JAK2: variants seen among roughly 807,000 people sequenced by gnomAD.
The protein encoded by JAK2 is Janus kinase 2.
JAK2 carries 86 observed loss-of-function variants against 139.3 expected under a neutral mutation model. That is an observed-to-expected ratio of 0.62 (90% CI 0.52 to 0.74). The LOEUF is 0.74. Ranked by LOEUF, JAK2 falls within the 30% of genes least tolerant of loss-of-function variation. JAK2 has a pLI of 0.00. For missense variants in JAK2, 1,421 were observed against 1,360.3 expected, an observed-to-expected ratio of 1.04 and a Z score of -0.70; for synonymous variants, 490 against 437.7, an observed-to-expected ratio of 1.12 and a Z score of -1.49.
intron 20 of JAK2, among the ~76,000 whole-genome samples, 158 bp downstream of exon 20, chr9:5,090,021 A>ATAAC (rs1212664036): frequency 2.0e-5 from 3 of 152,222 alleles, no homozygotes; most frequent in Non-Finnish European, 2.9e-5. Flanking sequence ...ATCATAGACT[A>ATAAC]TAACTATAGG....
intron 22 of JAK2, among the ~76,000 whole-genome samples, chr9:5,118,930 G>T (rs1037898619): frequency 1.3e-5 from 2 of 152,070 alleles, no homozygotes; most frequent in African/African-American, 4.8e-5. Context: ...CTCAATTTCT[G>T]AAAAGTATAC....
chr9:5,007,755 T>A lies in JAK2; in HGVS notation c.-25-14208T>A, dbSNP rs545461490. ...TTTTTTTTGGAGTGGAGTCTCACTC[T>A]GTCACCCAGGCTGAACTGCAGTGGT... On this transcript the variant is annotated intron_variant, in intron 2 of 24. Transcript: ENST00000381652. Among the ~76,000 whole-genome samples, 4 of 151,902 alleles carry A rather than the reference T, an allele frequency of 2.6e-5. No individual in the cohort carries two copies. In the South Asian group the frequency reaches 8.3e-4, roughly 32 times the overall value.
At chr9:5,051,171 G>T (rs1450492511) in intron 6 of JAK2, among the ~76,000 whole-genome samples, 1 of 151,980 alleles carries the variant, frequency 6.6e-6, no homozygotes, top group Non-Finnish European at 1.5e-5. Context: ...AAATCATATG[G>T]GTAAGTTTTA....
chr9:5,081,917 T>C, intron 19 of JAK2, 56 bp downstream of exon 19: 5 of 1,411,542 alleles, frequency 3.5e-6, no homozygotes. Context: ...AGGAAAAACT[T>C]AAGAGCGTTT....
At chr9:5,030,212 GA>G (rs1165785294) in intron 4 of JAK2, among the ~76,000 whole-genome samples, 1 of 152,116 alleles carries the variant, frequency 6.6e-6, no homozygotes, top group African/African-American at 2.4e-5. Flanking sequence ...AAATGTTTGG[GA>G]TATTGCTGGT....
intron 4 of JAK2, among the ~76,000 whole-genome samples, chr9:5,042,354 G>C (rs1816646528): frequency 6.6e-6 from 1 of 150,710 alleles, no homozygotes; most frequent in Admixed American, 6.6e-5. Context: ...AGCCAGGATG[G>C]TCTCGATCTC....
intron 4 of JAK2, chr9:5,041,525 C>T (rs1464941906): frequency 1.8e-6 from 1 of 547,610 alleles, no homozygotes; most frequent in Non-Finnish European, 3.6e-6. Flanking sequence ...CCACGCCCAT[C>T]GAAGTGCTCT....
At chr9:5,008,961 G>C (rs1587819605) in intron 2 of JAK2, among the ~76,000 whole-genome samples, 1 of 151,984 alleles carries the variant, frequency 6.6e-6, no homozygotes, top group Middle Eastern at 3.2e-3. Context: ...AGTTTGTCTT[G>C]ACTGTCTTCC....
intron 22 of JAK2, among the ~76,000 whole-genome samples, chr9:5,115,668 C>G (rs951985625): frequency 3.3e-5 from 5 of 152,146 alleles, no homozygotes; most frequent in African/African-American, 1.2e-4. Context: ...ACCCAAATGC[C>G]CATCAATGAT....
intron 19 of JAK2, among the ~76,000 whole-genome samples, 178 bp from the exon 20 acceptor site, chr9:5,089,496 C>T (rs1820398237): frequency 1.4e-5 from 2 of 138,682 alleles, no homozygotes; most frequent in South Asian, 4.6e-4. Flanking sequence ...CGAGATCGTG[C>T]CACTGCACTC....
chr9:5,044,265 A>G lies in JAK2; in HGVS notation c.351-138A>G, dbSNP rs539283088. Reference sequence around the variant, plus strand: ...TTATCCACATATCCTTTTGTCTCACATTTATATTTAATACTGTTAGCTGTG... The same window carrying G: ...TTATCCACATATCCTTTTGTCTCACGTTTATATTTAATACTGTTAGCTGTG... On this transcript the variant is annotated intron_variant, in intron 4 of 24. Coordinates refer to ENST00000381652, the MANE Select transcript of JAK2 (RefSeq NM_004972.4). 52 of 603,594 alleles carry G rather than the reference A, an allele frequency of 8.6e-5. No homozygotes were observed. The Admixed American group carries it at 1.2e-3, about 14-fold the overall frequency. The allele number at this position is 603,594 out of a possible 1,614,324, so 37.4% of individuals were successfully genotyped here.
chr9:5,013,176 C>T (rs1482787446), intron 2 of JAK2, among the ~76,000 whole-genome samples: 1 of 152,004 alleles, frequency 6.6e-6, no homozygotes, highest in Admixed American at 6.5e-5. Flanking sequence ...AGAAAACAAC[C>T]CAAAGCACTT....
At position 5,075,619 on chromosome 9, in the gene JAK2, G is replaced by C. The variant is rs151202786; in HGVS notation, c.1864+1834G>C. Among the ~76,000 whole-genome samples the C allele has an allele frequency of 6.7e-3, 1,018 of 152,278 alleles. 13 individuals are homozygous for C. Among genetic ancestry groups the C allele is most frequent in the African/African-American group, 0.023 (968 of 41,572 alleles). ...TTGTTGAGACCTGCTCAGAAAAAAA[G>C]ATTGCTTTCAAAGTATTACTGATCA... On this transcript the variant is annotated intron_variant, in intron 14 of 24. Transcript: ENST00000381652.
intron 18 of JAK2, among the ~76,000 whole-genome samples, chr9:5,081,276 A>G (rs1002902289): frequency 4.0e-5 from 6 of 151,600 alleles, no homozygotes; most frequent in African/African-American, 1.5e-4. Context: ...TTTTGCTTAA[A>G]TTGACTTTTA....
Position 5,089,787 on chromosome 9 carries a change from T to C in JAK2, c.2685T>C (p.Phe895=), listed in dbSNP as rs183030548. Residue 895 remains phenylalanine (F), a synonymous_variant, in exon 20 of 25, where the codon TTT becomes TTC. Coordinates refer to ENST00000381652, the MANE Select transcript of JAK2 (RefSeq NM_004972.4). ...GTACTGAAGAGCACCTAAGAGACTT[T>C]GAAAGGGAAATTGAAATCCTGAAAT... The part of the protein sequence containing the change: ...QHSTEEHLRD[F]EREIEILKSL... The C allele has an allele frequency of 3.4e-5, 55 of 1,600,100 alleles. No individual in the cohort carries two copies. In the African/African-American group the frequency reaches 5.3e-4, roughly 15 times the overall value.
chr9:5,096,723 C>G (rs947992996), intron 22 of JAK2: 6 of 152,096 alleles, frequency 3.9e-5, no homozygotes, highest in African/African-American at 1.2e-4. Context: ...AACACTATAC[C>G]TGCTGTTCGG....
Position 4,998,019 on chromosome 9 carries a change from A to G in JAK2, c.-26+11997A>G, listed in dbSNP as rs372043307. Reference sequence around the variant, plus strand: ...CTTCTAGCATGGCAGTATTTTAAAAATCATTATGAGCTTAAATTCATACTG... The same window carrying G: ...CTTCTAGCATGGCAGTATTTTAAAAGTCATTATGAGCTTAAATTCATACTG... On this transcript the variant is annotated intron_variant, in intron 2 of 24. Transcript: ENST00000381652. 5.3e-4 allele frequency among the ~76,000 whole-genome samples: 81 copies of G among 152,330 alleles called. 1 individual carries two copies. In the South Asian group the frequency reaches 0.016, roughly 30 times the overall value.
chr9:5,080,664 T>C lies in JAK2; in HGVS notation c.2415T>C (p.Leu805=), dbSNP rs750110194. The C allele has an allele frequency of 1.3e-6, 2 of 1,589,588 alleles. No homozygotes were observed. The highest frequency in any genetic ancestry group is 3.7e-5 in the Admixed American group (2 of 54,632). The change falls in exon 18 of 25, where the codon CTT becomes CTC. Residue 805 remains leucine (L), a synonymous_variant. Transcript: ENST00000381652. ...RPSFRAIIRD[L]NSLFTPDYEL... ...CTTTCAGAGCCATCATACGAGATCT[T>C]AACAGTTTGTTTACTCCAGGTATGT...
At chr9:5,009,807 G>C (rs116331817) in intron 2 of JAK2, among the ~76,000 whole-genome samples, 2,175 of 149,910 alleles carry the variant, frequency 0.015, 65 homozygotes, top group African/African-American at 0.051. Flanking sequence ...GTCTTGCTCT[G>C]TTGCCCAGGC....
Sources: gnomAD v4.1 joint callset for allele counts (sites outside exome capture counted in the v4.1 genomes callset) on GRCh38, gnomAD v4.1.1 for gene constraint, MANE v1.5 for transcripts, NCBI Gene and HGNC (gene_info 2026-07-23, HGNC 2026-07-21) for gene names.